Variants in RBMS2 observed in about 807,000 individuals in gnomAD.
RBMS2 encodes the protein RNA-binding motif, single-stranded-interacting protein 2.
Under a neutral mutation model 58.4 loss-of-function variants are expected in RBMS2, and 38 were observed. That is an observed-to-expected ratio of 0.65 (90% CI 0.50 to 0.85). The LOEUF is 0.85. RBMS2 is among the 40% of genes least tolerant of loss of function. The pLI is 0.00. For missense variants in RBMS2, 367 were observed against 503.7 expected (o/e 0.73, Z 2.60); for synonymous variants, 151 against 180.7 (o/e 0.84, Z 1.32).
At chr12:56,553,073 C>T (rs963983605) in intron 1 of RBMS2, among the ~76,000 whole-genome samples, 5 of 151,134 alleles carry the variant, frequency 3.3e-5, no homozygotes, top group African/African-American at 7.3e-5. Context: ...GGATTACAGG[C>T]GCCCAGCTAA....
At chr12:56,588,167 C>T in intron 11 of RBMS2, 127 bp from the exon 12 acceptor site, 1 of 759,188 alleles carries the variant, frequency 1.3e-6, no homozygotes, top group Admixed American at 2.4e-5. Flanking sequence ...GATGCAAATG[C>T]TCAGACCAAT....
At chr12:56,580,400 T>G (rs1883782125) in intron 5 of RBMS2, 3 of 313,402 alleles carry the variant, frequency 9.6e-6, no homozygotes, top group Non-Finnish European at 1.9e-5. Context: ...TCCCGGCTAA[T>G]TTTTGTATTT....
chr12:56,550,034 A>G (rs555099391), intron 1 of RBMS2, among the ~76,000 whole-genome samples: 175 of 152,240 alleles, frequency 1.1e-3, no homozygotes, highest in Admixed American at 2.6e-3. Flanking sequence ...CTCGCAAAAA[A>G]AAGAAAATGA....
chr12:56,580,646 AG>A (rs1883817799), intron 5 of RBMS2, among the ~76,000 whole-genome samples: 1 of 152,198 alleles, frequency 6.6e-6, no homozygotes, highest in Admixed American at 6.5e-5. Context: ...AAACTAACTC[AG>A]TAGACTCCAA....
chr12:56,538,352 A>AGG (rs908050710), intron 1 of RBMS2, among the ~76,000 whole-genome samples: 2 of 150,612 alleles, frequency 1.3e-5, no homozygotes, highest in African/African-American at 4.9e-5. Context: ...GGATTTTGAT[A>AGG]GGGATTACAT....
intron 1 of RBMS2, among the ~76,000 whole-genome samples, chr12:56,525,556 C>G (rs1157026360): frequency 6.6e-6 from 1 of 151,918 alleles, no homozygotes; most frequent in Non-Finnish European, 1.5e-5. Context: ...CAGGGTATCA[C>G]TCTGCAGTCT....
At chr12:56,579,780 C>G (rs1017669503) in intron 5 of RBMS2, among the ~76,000 whole-genome samples, 11 of 151,984 alleles carry the variant, frequency 7.2e-5, no homozygotes, top group African/African-American at 2.7e-4. Flanking sequence ...AATACTGTTC[C>G]TTGTTCTATA....
In RBMS2 at chr12:56,595,059, G is replaced by A. The variant is rs1479646202; in HGVS notation, c.*5926G>A. ...ATAGGTCCTGCTGTGATAGGCCAGG[G>A]GAGTAGGCTGTGCAGTGACGGCTTA... On this transcript the variant is annotated 3_prime_UTR_variant, in exon 14 of 14. Transcript: ENST00000262031. 2 of 152,254 alleles carry A rather than the reference G, an allele frequency of 1.3e-5. No homozygotes were observed. The highest frequency in any genetic ancestry group is 2.9e-5 in the Non-Finnish European group (2 of 68,104). The allele number at this position is 152,254 out of a possible 1,614,324, so 9.4% of individuals were successfully genotyped here. A position where few individuals can be genotyped will look rare whatever the true frequency, so the allele number is the denominator to read the frequency against.
intron 1 of RBMS2, among the ~76,000 whole-genome samples, chr12:56,541,107 A>AAAC (rs1298252477): frequency 6.6e-6 from 1 of 151,860 alleles, no homozygotes; most frequent in Non-Finnish European, 1.5e-5. Context: ...ACTCAAAAAA[A>AAAC]AAAAAAAACC....
intron 1 of RBMS2, among the ~76,000 whole-genome samples, chr12:56,555,755 A>T (rs1317119935): frequency 1.3e-5 from 2 of 151,758 alleles, no homozygotes; most frequent in African/African-American, 4.8e-5. Flanking sequence ...ATGCCCAGCT[A>T]ATTTTTGTAT....
intron 1 of RBMS2, among the ~76,000 whole-genome samples, chr12:56,524,002 T>G (rs1487484310): frequency 7.9e-5 from 12 of 152,206 alleles, no homozygotes; most frequent in Admixed American, 7.9e-4. Context: ...CAGAACTCAT[T>G]AAAATAAAAT....
At position 56,562,465 on chromosome 12, in the gene RBMS2, A is replaced by G. The variant is rs753939467; in HGVS notation, c.115A>G (p.Ser39Gly). The change falls in exon 2 of 14, where the codon AGT becomes GGT. Residue 39 changes from serine (S) to glycine (G), a missense_variant. By Grantham distance (56) the Ser-to-Gly change is moderately conservative. Transcript: ENST00000262031. ...GATGGCACCACCTAGCCCAAGCAAC[A>G]GTACACCTAACAGCAGTAGTGGAAG... The part of the protein sequence containing the change: ...QQMAPPSPSN[S>G]TPNSSSGSNG... 1.9e-6 allele frequency: 3 copies of G among 1,608,414 alleles called. No individual in the cohort carries two copies. Among genetic ancestry groups the G allele is most frequent in the African/African-American group, 1.3e-5 (1 of 74,950 alleles).
chr12:56,575,128 G>GACATGCGCTTCAGCCTGGGCC (rs1179192229), intron 5 of RBMS2, among the ~76,000 whole-genome samples: 1 of 151,286 alleles, frequency 6.6e-6, no homozygotes, highest in Non-Finnish European at 1.5e-5. Context: ...CAGCCTGGGC[G>GACATGCGCTTCAGCCTGGGCC]ACATGCACTT....
intron 5 of RBMS2, 115 bp from the exon 6 acceptor site, chr12:56,581,069 C>A: frequency 1.2e-6 from 1 of 861,138 alleles, no homozygotes; most frequent in Non-Finnish European, 1.9e-6. Flanking sequence ...TTTCTGTAGT[C>A]ATAACATTTG....
At chr12:56,545,174 C>A (rs1876935745) in intron 1 of RBMS2, among the ~76,000 whole-genome samples, 1 of 152,152 alleles carries the variant, frequency 6.6e-6, no homozygotes, top group African/African-American at 2.4e-5. Context: ...ATGCGGTTTT[C>A]CATTCCTGAG....
intron 12 of RBMS2, 25 bp from the exon 13 acceptor site, chr12:56,588,907 A>T (rs1361424510): frequency 5.6e-6 from 9 of 1,611,454 alleles, no homozygotes; most frequent in South Asian, 5.5e-5. Context: ...GCGCAAGATG[A>T]CCCCCCTCCT....
intron 1 of RBMS2, among the ~76,000 whole-genome samples, chr12:56,546,078 G>A (rs1877120707): frequency 6.7e-6 from 1 of 150,006 alleles, no homozygotes; most frequent in Non-Finnish European, 1.5e-5. Context: ...TGGGATTACA[G>A]GCATGCACCA....
intron 1 of RBMS2, among the ~76,000 whole-genome samples, chr12:56,530,350 C>CTTTTTTTTTTTTT (rs71081373): frequency 3.1e-5 from 2 of 63,774 alleles, no homozygotes; most frequent in African/African-American, 4.9e-5. Context: ...TTTCTTTTTC[C>CTTTTTTTTTTTTT]TTTTTTTTTT....
intron 1 of RBMS2, among the ~76,000 whole-genome samples, chr12:56,561,673 AT>A (rs113897566): frequency 0.16 from 20,841 of 129,618 alleles, 1,501 homozygotes; most frequent in African/African-American, 0.17. Context: ...CACCTGGCTA[AT>A]TTTTTTTTTT....
Sources: allele counts gnomAD v4.1 joint callset (sites outside exome capture counted in the v4.1 genomes callset), GRCh38; gene constraint gnomAD v4.1.1; transcripts MANE v1.5; gene names NCBI Gene and HGNC (gene_info 2026-07-23, HGNC 2026-07-21).